PACRG: variants seen among roughly 807,000 people sequenced by gnomAD.
PACRG encodes parkin coregulated gene protein.
Under a neutral mutation model 29.7 loss-of-function variants are expected in PACRG, and 29 were observed. The ratio of observed to expected loss-of-function variants is 0.98; its 90% confidence interval spans 0.73 to 1.33. The LOEUF (loss-of-function observed/expected upper bound fraction) is 1.33, where lower values mean the gene tolerates loss of function less well. Ranked by LOEUF, PACRG falls within the 40% of genes most tolerant of loss-of-function variation. The probability of loss-of-function intolerance (pLI) is 0.00; values close to 1 mark genes in which losing one functional copy is unlikely to be tolerated. For synonymous variants in PACRG, 116 were observed against 118.7 expected, an observed-to-expected ratio of 0.98 and a Z score of 0.15; for missense variants, 279 against 316.2, an observed-to-expected ratio of 0.88 and a Z score of 0.89.
intron 2 of PACRG, among the ~76,000 whole-genome samples, chr6:163,061,907 G>A (rs1021199933): frequency 1.3e-5 from 2 of 152,184 alleles, no homozygotes; most frequent in African/African-American, 4.8e-5. Flanking sequence ...TGCTGTCAAT[G>A]TGCATTGTAT....
intron 2 of PACRG, among the ~76,000 whole-genome samples, chr6:162,914,065 T>C (rs1348277949): frequency 6.6e-6 from 1 of 152,214 alleles, no homozygotes; most frequent in Non-Finnish European, 1.5e-5. Flanking sequence ...ATGTATTTAA[T>C]TTTGATGAAA....
At chr6:163,017,416 C>A (rs542964658) in intron 2 of PACRG, among the ~76,000 whole-genome samples, 3 of 152,016 alleles carry the variant, frequency 2.0e-5, no homozygotes, top group Non-Finnish European at 2.9e-5. Context: ...CGTGAAGTAC[C>A]CTTTTACAAA....
intron 2 of PACRG, among the ~76,000 whole-genome samples, chr6:163,047,592 C>T (rs1809529235): frequency 6.6e-6 from 1 of 152,100 alleles, no homozygotes; most frequent in African/African-American, 2.4e-5. Context: ...TTACAACTGA[C>T]CTTTAGCTGT....
At chr6:163,168,276 C>T (rs577092081) in intron 4 of PACRG, among the ~76,000 whole-genome samples, 310 of 152,218 alleles carry the variant, frequency 2.0e-3, no homozygotes, top group African/African-American at 7.1e-3. Context: ...CCAAGACCAG[C>T]CTGGCCAACA....
intron 4 of PACRG, among the ~76,000 whole-genome samples, chr6:163,121,396 T>C (rs551339861): frequency 1.3e-5 from 2 of 152,216 alleles, no homozygotes; most frequent in African/African-American, 4.8e-5. Context: ...CTGTCACTTC[T>C]ATTCGATGGA....
chr6:163,206,002 A>G (rs1429550433), intron 4 of PACRG, among the ~76,000 whole-genome samples: 3 of 152,216 alleles, frequency 2.0e-5, no homozygotes, highest in Admixed American at 6.5e-5. Flanking sequence ...AATCAAATCC[A>G]CAATGAGATA....
At chr6:162,850,913 C>A (rs191689926) in intron 2 of PACRG, among the ~76,000 whole-genome samples, 33 of 152,284 alleles carry the variant, frequency 2.2e-4, no homozygotes, top group Admixed American at 2.2e-3. Context: ...GTCTTGCGGG[C>A]CTGAGCCCCC....
At chr6:163,007,274 AC>A (rs1173882947) in intron 2 of PACRG, among the ~76,000 whole-genome samples, 1 of 152,138 alleles carries the variant, frequency 6.6e-6, no homozygotes, top group Non-Finnish European at 1.5e-5. Flanking sequence ...ATACATTATT[AC>A]TTTTACTTTT....
intron 1 of PACRG, among the ~76,000 whole-genome samples, chr6:162,784,440 G>T (rs1489324544): frequency 1.3e-5 from 2 of 152,172 alleles, no homozygotes; most frequent in Admixed American, 6.5e-5. Context: ...GACATTCAAG[G>T]CTATGCAGCA....
intron 2 of PACRG, among the ~76,000 whole-genome samples, chr6:162,851,866 A>T (rs930035502): frequency 6.6e-6 from 1 of 152,068 alleles, no homozygotes; most frequent in African/African-American, 2.4e-5. Flanking sequence ...AATGGTGTCC[A>T]TCTACCTATC....
intron 4 of PACRG, among the ~76,000 whole-genome samples, chr6:163,205,988 T>C (rs1337498521): frequency 6.6e-6 from 1 of 152,056 alleles, no homozygotes; most frequent in East Asian, 1.9e-4. Context: ...ATTACAGAAA[T>C]GCAAATCAAA....
chr6:162,923,972 G>T (rs1478248031), intron 2 of PACRG, among the ~76,000 whole-genome samples: 1 of 151,940 alleles, frequency 6.6e-6, no homozygotes. Context: ...ACTTTGATTT[G>T]TATGATCATT....
At chr6:163,311,170 A>G (rs1209236783) in intron 4 of PACRG, among the ~76,000 whole-genome samples, 3 of 152,240 alleles carry the variant, frequency 2.0e-5, no homozygotes, top group Non-Finnish European at 4.4e-5. Context: ...TGCCTCCTGC[A>G]TGGAGGGATC....
At chr6:163,312,729 T>C (rs1785476566) in intron 4 of PACRG, 2 of 410,696 alleles carry the variant, frequency 4.9e-6, no homozygotes, top group Non-Finnish European at 9.6e-6. Context: ...ATCTTATCTC[T>C]TGTTTATCTG....
At chr6:163,161,611 T>A (rs2128342205) in intron 4 of PACRG, among the ~76,000 whole-genome samples, 1 of 152,360 alleles carries the variant, frequency 6.6e-6, no homozygotes, top group Admixed American at 6.5e-5. Flanking sequence ...TGTATATATC[T>A]GAAAAATACA....
At chr6:163,202,973 C>T (rs1008990979) in intron 4 of PACRG, among the ~76,000 whole-genome samples, 20 of 152,168 alleles carry the variant, frequency 1.3e-4, no homozygotes, top group Middle Eastern at 3.4e-3. Context: ...TTAGAGGAGC[C>T]ACAAAGTCGG....
At chr6:163,267,792 G>A (rs1783586313) in intron 4 of PACRG, among the ~76,000 whole-genome samples, 1 of 152,044 alleles carries the variant, frequency 6.6e-6, no homozygotes, top group Non-Finnish European at 1.5e-5. Context: ...ACTCCCATAC[G>A]GTCCCTAATA....
chr6:163,101,267 T>G (rs1451581695), intron 4 of PACRG: 1 of 982,264 alleles, frequency 1.0e-6, no homozygotes, highest in South Asian at 4.7e-5. Flanking sequence ...CAAGATGTAA[T>G]TGGGCCATAA....
In PACRG at chr6:163,091,084, T is replaced by C. The variant is rs1451547049; in HGVS notation, c.613+1676T>C. Among the ~76,000 whole-genome samples, 5 of 152,230 alleles carry C rather than the reference T, an allele frequency of 3.3e-5. No individual in the cohort carries two copies. In the East Asian group the frequency reaches 9.6e-4, roughly 29 times the overall value. Reference sequence around the variant, plus strand: ...TGGGAATAGGTAGCTACTGCAACACTGCTTTAATGCTTTTGTTGGTCACAC... The same window carrying C: ...TGGGAATAGGTAGCTACTGCAACACCGCTTTAATGCTTTTGTTGGTCACAC... On this transcript the variant is annotated intron_variant, in intron 4 of 4. Transcript: ENST00000366888.
Sources: gnomAD v4.1 joint callset for allele counts (sites outside exome capture counted in the v4.1 genomes callset) on GRCh38, gnomAD v4.1.1 for gene constraint, MANE v1.5 for transcripts, NCBI Gene and HGNC (gene_info 2026-07-23, HGNC 2026-07-21) for gene names.